The following IGSF11 variants were observed in gnomAD, a reference collection of about 807,000 sequenced individuals.
IGSF11 encodes CXADR like 1.
Under a neutral mutation model 41.0 loss-of-function variants are expected in IGSF11, and 22 were observed. The ratio of observed to expected loss-of-function variants is 0.54; its 90% CI spans 0.38 to 0.77. The LOEUF is 0.77. IGSF11 is among the 30% of genes least tolerant of loss of function. The pLI, the probability that IGSF11 is intolerant of heterozygous loss-of-function variation, is 0.00. For missense variants in IGSF11, 444 were observed against 530.8 expected, an observed-to-expected ratio of 0.84 and a Z score of 1.61; for synonymous variants, 219 against 201.3, an observed-to-expected ratio of 1.09 and a Z score of -0.74.
chr3:119,055,692 T>C (rs1208637753), intron 1 of IGSF11, among the ~76,000 whole-genome samples: 1 of 152,180 alleles, frequency 6.6e-6, no homozygotes, highest in Non-Finnish European at 1.5e-5. Flanking sequence ...CACACCACAC[T>C]TATTTGAAAA....
intron 1 of IGSF11, among the ~76,000 whole-genome samples, chr3:118,960,875 T>C (rs753778669): frequency 1.6e-4 from 24 of 152,250 alleles, no homozygotes; most frequent in Non-Finnish European, 3.4e-4. Flanking sequence ...TAATCATCCT[T>C]GGGAACCCCA....
intron 1 of IGSF11, among the ~76,000 whole-genome samples, chr3:119,001,758 G>A (rs943647826): frequency 2.0e-5 from 3 of 150,176 alleles, no homozygotes; most frequent in African/African-American, 7.4e-5. Context: ...TACTGAGAAT[G>A]ATGGTTTCCA....
intron 1 of IGSF11, among the ~76,000 whole-genome samples, chr3:119,003,983 G>A (rs6774155): frequency 0.36 from 54,407 of 150,788 alleles, 11,621 homozygotes; most frequent in African/African-American, 0.6. Context: ...CTCATAAAAT[G>A]AGTTAGGGAG....
Position 119,000,875 on chromosome 3 carries a change from G to A in IGSF11, c.52+33656C>T, listed in dbSNP as rs552204077. Among the ~76,000 whole-genome samples, 31 of 152,142 alleles carry A rather than the reference G, an allele frequency of 2.0e-4. No homozygotes were observed. In the East Asian group the frequency reaches 4.8e-3, roughly 24 times the overall value. On this transcript the variant is annotated intron_variant, in intron 1 of 6. Transcript: ENST00000393775. ...AATCTAGCTTTAGATCATATCACTC[G>A]GTTGTAATCTCTTCAATGGCCCTTT...
At chr3:119,021,500 T>C (rs555011632) in intron 1 of IGSF11, among the ~76,000 whole-genome samples, 22 of 152,232 alleles carry the variant, frequency 1.4e-4, no homozygotes, top group African/African-American at 4.6e-4. Context: ...TAAGAGTTTA[T>C]TGATCACTCA....
intron 4 of IGSF11, among the ~76,000 whole-genome samples, chr3:118,923,808 T>C (rs1389980748): frequency 6.6e-6 from 1 of 152,210 alleles, no homozygotes; most frequent in Non-Finnish European, 1.5e-5. Flanking sequence ...TTGACAGCAA[T>C]ATCACAGAAA....
chr3:118,987,417 T>C (rs1935366419), intron 1 of IGSF11, among the ~76,000 whole-genome samples: 1 of 152,158 alleles, frequency 6.6e-6, no homozygotes, highest in Admixed American at 6.5e-5. Flanking sequence ...GTGGTATGAA[T>C]CAGGGCTTCA....
chr3:119,123,655 G>A (rs1436269639), intron 1 of IGSF11, among the ~76,000 whole-genome samples: 1 of 152,186 alleles, frequency 6.6e-6, no homozygotes, highest in Non-Finnish European at 1.5e-5. Flanking sequence ...AGGAAGCTCA[G>A]CACAGAGAGA....
chr3:118,924,886 A>AT (rs1942153867), intron 4 of IGSF11, among the ~76,000 whole-genome samples: 1 of 152,204 alleles, frequency 6.6e-6, no homozygotes, highest in Non-Finnish European at 1.5e-5. Flanking sequence ...ACTGTTACAG[A>AT]AACAGTGGAA....
At chr3:118,995,628 G>A (rs891414223) in intron 1 of IGSF11, among the ~76,000 whole-genome samples, 9 of 151,546 alleles carry the variant, frequency 5.9e-5, no homozygotes, top group African/African-American at 7.3e-5. Context: ...GATGACTTCC[G>A]GGCTTATGGT....
intron 1 of IGSF11, among the ~76,000 whole-genome samples, chr3:119,143,132 A>T (rs903061044): frequency 4.9e-4 from 74 of 152,226 alleles, no homozygotes; most frequent in Non-Finnish European, 1.5e-4. Flanking sequence ...TAGTAACTTG[A>T]AGCCATATGA....
chr3:118,989,642 C>A (rs1935599811), intron 1 of IGSF11, among the ~76,000 whole-genome samples: 1 of 152,210 alleles, frequency 6.6e-6, no homozygotes, highest in Non-Finnish European at 1.5e-5. Flanking sequence ...GCATGAGCCA[C>A]CACACCCAGC....
chr3:118,958,757 A>G (rs1321098575), intron 1 of IGSF11, among the ~76,000 whole-genome samples: 1 of 152,238 alleles, frequency 6.6e-6, no homozygotes, highest in Admixed American at 6.5e-5. Flanking sequence ...GTGTTTTATA[A>G]TAGATGTTCT....
intron 1 of IGSF11, among the ~76,000 whole-genome samples, chr3:118,956,591 TC>T (rs1944974317): frequency 6.6e-6 from 1 of 152,108 alleles, no homozygotes; most frequent in Admixed American, 6.5e-5. Flanking sequence ...AGTGGAGCAG[TC>T]GGAACACACA....
upstream of IGSF11, among the ~76,000 whole-genome samples, chr3:119,108,183 T>G (rs1350914126): frequency 6.6e-6 from 1 of 151,614 alleles, no homozygotes. Context: ...TTGGGCAGTA[T>G]GGCCATTTTC....
At chr3:118,941,904 A>G (rs1943725757) in intron 1 of IGSF11, among the ~76,000 whole-genome samples, 1 of 152,236 alleles carries the variant, frequency 6.6e-6, no homozygotes, top group South Asian at 2.1e-4. Context: ...TTAAAAAAAA[A>G]TCTACGGAGA....
At chr3:118,911,735 G>C (rs1940333923) in intron 4 of IGSF11, among the ~76,000 whole-genome samples, 1 of 150,910 alleles carries the variant, frequency 6.6e-6, no homozygotes, top group African/African-American at 2.5e-5. Context: ...GAGAGAGAGA[G>C]AGAAAGAGAG....
intron 1 of IGSF11, among the ~76,000 whole-genome samples, chr3:119,011,804 C>G (rs971357406): frequency 4.6e-5 from 7 of 152,006 alleles, no homozygotes; most frequent in African/African-American, 1.7e-4. Flanking sequence ...TACTTTGGAT[C>G]AAGATAACAG....
At chr3:119,048,589 T>G (rs1286020143) in intron 1 of IGSF11, among the ~76,000 whole-genome samples, 1 of 152,094 alleles carries the variant, frequency 6.6e-6, no homozygotes, top group African/African-American at 2.4e-5. Context: ...CTGGTACCAT[T>G]CCTTCTGAAA....
Sources: gnomAD v4.1 joint callset for allele counts (sites outside exome capture counted in the v4.1 genomes callset) on GRCh38, gnomAD v4.1.1 for gene constraint, MANE v1.5 for transcripts, NCBI Gene and HGNC (gene_info 2026-07-23, HGNC 2026-07-21) for gene names.